The following MIPOL1 variants were observed in gnomAD, a reference collection of about 807,000 sequenced individuals.
MIPOL1 encodes the protein mirror-image polydactyly gene 1 protein.
MIPOL1 carries 57 observed loss-of-function variants against 60.9 expected under a neutral mutation model. The ratio of observed to expected loss-of-function variants is 0.94; its 90% CI spans 0.76 to 1.17. MIPOL1 has a LOEUF of 1.17. Among genes scored for constraint, MIPOL1 ranks in the 50% most tolerant of loss-of-function variants. The probability of loss-of-function intolerance (pLI) is 0.00; values close to 1 mark genes in which losing one functional copy is unlikely to be tolerated. For synonymous variants in MIPOL1, 179 were observed against 168.8 expected (o/e 1.06, Z -0.47); for missense variants, 551 against 511.6 (o/e 1.08, Z -0.74).
rs746139298 is a variant in MIPOL1 at position 37,421,582 on chromosome 14, C to T, written c.937-1273C>T. Among the ~76,000 whole-genome samples, 89 of 151,978 alleles carry T rather than the reference C, an allele frequency of 5.9e-4. 2 individuals are homozygous for T. The highest frequency in any genetic ancestry group is 2.1e-4 in the Non-Finnish European group (14 of 67,966). On this transcript the variant is annotated intron_variant, in intron 10 of 12. Transcript: ENST00000684589. ...TCCCTAGTTTTTTAGAATGTTTTAT[C>T]TCTAATTATGGACTATGTCATGTTA...
chr14:37,491,029 T>C (rs536463432), intron 11 of MIPOL1, among the ~76,000 whole-genome samples: 1 of 152,336 alleles, frequency 6.6e-6, no homozygotes, highest in East Asian at 1.9e-4. Flanking sequence ...CCCATACAAT[T>C]ATATTTATGT....
chr14:37,224,548 A>T (rs561395677), intron 1 of MIPOL1, among the ~76,000 whole-genome samples: 2 of 152,284 alleles, frequency 1.3e-5, no homozygotes, highest in Non-Finnish European at 2.9e-5. Context: ...GAACCATCAG[A>T]TCTTGTGAGA....
At chr14:37,531,233 T>C (rs1267806900) in intron 12 of MIPOL1, among the ~76,000 whole-genome samples, 4 of 152,198 alleles carry the variant, frequency 2.6e-5, no homozygotes, top group Non-Finnish European at 4.4e-5. Flanking sequence ...CTGACCTCTA[T>C]GCAGTTCCTC....
intron 11 of MIPOL1, among the ~76,000 whole-genome samples, chr14:37,429,868 T>G (rs2094029609): frequency 6.6e-6 from 1 of 152,238 alleles, no homozygotes; most frequent in African/African-American, 2.4e-5. Context: ...TGATAGTTTT[T>G]TATTGGACCA....
At chr14:37,221,320 A>G (rs1968709896) in intron 1 of MIPOL1, among the ~76,000 whole-genome samples, 1 of 152,198 alleles carries the variant, frequency 6.6e-6, no homozygotes, top group South Asian at 2.1e-4. Flanking sequence ...GAACAAGAGC[A>G]GGCCCATTGA....
intron 11 of MIPOL1, among the ~76,000 whole-genome samples, chr14:37,496,371 G>A (rs2153610656): frequency 7.0e-6 from 1 of 143,520 alleles, no homozygotes. Flanking sequence ...GTCCCTGTTT[G>A]CAGACGACAT....
chr14:37,469,669 G>A (rs968703932), intron 11 of MIPOL1, among the ~76,000 whole-genome samples: 5 of 152,128 alleles, frequency 3.3e-5, no homozygotes, highest in African/African-American at 9.7e-5. Flanking sequence ...TTAAGAGGTG[G>A]GCCTTTAATA....
chr14:37,448,168 G>C (rs1050539001), intron 11 of MIPOL1, among the ~76,000 whole-genome samples: 3 of 152,226 alleles, frequency 2.0e-5, no homozygotes, highest in African/African-American at 7.2e-5. Flanking sequence ...CACTGCACTA[G>C]TGAGAGAACC....
intron 9 of MIPOL1, among the ~76,000 whole-genome samples, chr14:37,331,634 C>T (rs1449234167): frequency 3.3e-5 from 5 of 151,548 alleles, no homozygotes; most frequent in African/African-American, 1.2e-4. Context: ...TACAACTTTA[C>T]TGAATTCATT....
intron 7 of MIPOL1, among the ~76,000 whole-genome samples, chr14:37,291,781 A>G (rs1017050841): frequency 1.1e-4 from 16 of 152,180 alleles, no homozygotes; most frequent in African/African-American, 3.9e-4. Flanking sequence ...CAAAAGGGCA[A>G]AAAGAGGCAA....
chr14:37,433,894 G>C (rs2094119420), intron 11 of MIPOL1, among the ~76,000 whole-genome samples: 1 of 152,078 alleles, frequency 6.6e-6, no homozygotes, highest in Non-Finnish European at 1.5e-5. Flanking sequence ...AGTAGTCCAT[G>C]GTGTATATGT....
chr14:37,425,141 G>C (rs1685340278), intron 11 of MIPOL1, among the ~76,000 whole-genome samples: 1 of 152,106 alleles, frequency 6.6e-6, no homozygotes, highest in South Asian at 2.1e-4. Context: ...TGATGGGGAA[G>C]GTTTTTATGG....
intron 6 of MIPOL1, chr14:37,277,246 A>G (rs763922499): frequency 1.3e-5 from 2 of 151,348 alleles, no homozygotes; most frequent in Non-Finnish European, 3.0e-5. Flanking sequence ...CACACGTCTA[A>G]TGATTCTAAA....
intron 12 of MIPOL1, among the ~76,000 whole-genome samples, chr14:37,509,011 A>T (rs185345654): frequency 9.9e-5 from 15 of 151,784 alleles, no homozygotes; most frequent in African/African-American, 2.9e-4. Flanking sequence ...TTCCTACTCC[A>T]TTTCTTTCGG....
In MIPOL1 at chr14:37,267,150, T is replaced by C; in HGVS notation, c.232T>C (p.Cys78Arg). ...SSYPDDESVY[C>R]TTEKYNVMEH... ...TTATCCAGATGATGAGTCTGTTTAC[T>C]GCACTACTGAAAAATACAAGTAAGT... is the stretch of plus-strand genomic sequence containing the variant. The change falls in exon 4 of 13, where the codon TGC (cysteine) becomes CGC (arginine). Residue 78 changes from cysteine (C) to arginine (R), a missense_variant. By Grantham distance (180) the Cys-to-Arg change is radical. Transcript: ENST00000684589. The C allele has an allele frequency of 6.2e-7, 1 of 1,613,230 alleles. No homozygotes were observed. Among genetic ancestry groups the C allele is most frequent in the Non-Finnish European group, 8.5e-7 (1 of 1,179,556 alleles).
intron 6 of MIPOL1, among the ~76,000 whole-genome samples, chr14:37,271,354 A>G (rs1363246140): frequency 1.3e-5 from 2 of 152,060 alleles, no homozygotes; most frequent in African/African-American, 4.8e-5. Context: ...TTTAAGAAGC[A>G]ATTGAATTTT....
In MIPOL1 at chr14:37,268,777, G is replaced by A. The variant is rs2083070828; in HGVS notation, c.371G>A (p.Arg124Lys). 2 of 1,581,414 alleles carry A rather than the reference G, an allele frequency of 1.3e-6. No homozygotes were observed. Among genetic ancestry groups the A allele is most frequent in the Non-Finnish European group, 1.7e-6 (2 of 1,161,282 alleles). Residue 124 changes from arginine to lysine, a missense_variant, in exon 5 of 13, where the codon AGA (arginine) becomes AAA (lysine). By Grantham distance (26) the Arg-to-Lys change is conservative. Transcript: ENST00000684589. ...AFLLKELDILRTSNKKLQQKL... is the reference protein window; with the variant it reads ...AFLLKELDILKTSNKKLQQKL... ...CTTCTAAAAGAATTGGATATTCTCA[G>A]AACAAGCAATAAAAAGGTATAATAT... is the stretch of plus-strand genomic sequence containing the variant.
chr14:37,461,298 A>G (rs1249302619), intron 11 of MIPOL1, among the ~76,000 whole-genome samples: 3 of 152,192 alleles, frequency 2.0e-5, no homozygotes, highest in Non-Finnish European at 4.4e-5. Context: ...TCTTATGTGG[A>G]TGTCAGTGGG....
At chr14:37,487,115 C>T (rs1005384119) in intron 11 of MIPOL1, among the ~76,000 whole-genome samples, 1 of 151,906 alleles carries the variant, frequency 6.6e-6, no homozygotes, top group African/African-American at 2.4e-5. Flanking sequence ...GTCATTGGTT[C>T]TGTTTATATG....
Sources: allele counts gnomAD v4.1 joint callset (sites outside exome capture counted in the v4.1 genomes callset), GRCh38; gene constraint gnomAD v4.1.1; transcripts MANE v1.5; gene names NCBI Gene and HGNC (gene_info 2026-07-23, HGNC 2026-07-21).